PAK1: variants seen among roughly 807,000 people sequenced by gnomAD.
PAK1 encodes the protein serine/threonine-protein kinase PAK 1.
Under a neutral mutation model 67.4 loss-of-function variants are expected in PAK1, and 29 were observed. The observed-to-expected ratio is 0.43, with a 90% CI of 0.32 to 0.59. The LOEUF is 0.59. Among genes scored for constraint, PAK1 ranks in the 20% least tolerant of loss-of-function variants. The probability of loss-of-function intolerance (pLI) is 0.07; values close to 1 mark genes in which losing one functional copy is unlikely to be tolerated. For synonymous variants in PAK1, 223 were observed against 237.4 expected (o/e 0.94, Z 0.56); for missense variants, 337 against 670.7 (o/e 0.50, Z 5.50).
chr11:77,518,176 T>C, the PAK1 span, among the ~76,000 whole-genome samples: 1 of 152,344 alleles, frequency 6.6e-6, no homozygotes, highest in African/African-American at 2.4e-5. Context: ...TTCAAGGTAT[T>C]TTTCTTCTTG....
intron 2 of PAK1, among the ~76,000 whole-genome samples, chr11:77,386,673 T>C (rs542455675): frequency 6.6e-6 from 1 of 152,292 alleles, no homozygotes; most frequent in East Asian, 1.9e-4. Flanking sequence ...CAGATCATTC[T>C]TCTTTCTCAT....
intron 13 of PAK1, among the ~76,000 whole-genome samples, chr11:77,334,745 A>T (rs1232535632): frequency 6.6e-6 from 1 of 152,150 alleles, no homozygotes; most frequent in African/African-American, 2.4e-5. Context: ...CACAGACATC[A>T]TCTTTTAGAA....
chr11:77,362,891 G>A (rs1276436440), intron 5 of PAK1, among the ~76,000 whole-genome samples: 1 of 152,176 alleles, frequency 6.6e-6, no homozygotes, highest in East Asian at 1.9e-4. Flanking sequence ...AAATGGCGAA[G>A]AACTGTACTA....
At chr11:77,431,145 C>T (rs922641745) in intron 1 of PAK1, among the ~76,000 whole-genome samples, 4 of 152,154 alleles carry the variant, frequency 2.6e-5, no homozygotes, top group Admixed American at 6.5e-5. Flanking sequence ...TGTTGGGGAC[C>T]ACTGATTTAT....
chr11:77,377,179 G>A (rs1321324630), intron 4 of PAK1, among the ~76,000 whole-genome samples: 1 of 152,126 alleles, frequency 6.6e-6, no homozygotes, highest in Non-Finnish European at 1.5e-5. Flanking sequence ...GGAGGCTGAG[G>A]CAGGAGAATC....
intron 4 of PAK1, among the ~76,000 whole-genome samples, chr11:77,375,234 A>T (rs955032783): frequency 1.3e-5 from 2 of 152,234 alleles, no homozygotes; most frequent in African/African-American, 4.8e-5. Flanking sequence ...ATCATCAGCT[A>T]TATCACTGTC....
chr11:77,454,985 C>T (rs1957020922), intron 1 of PAK1, among the ~76,000 whole-genome samples: 1 of 152,062 alleles, frequency 6.6e-6, no homozygotes, highest in Non-Finnish European at 1.5e-5. Context: ...AGTCTCTCTC[C>T]CTTTCTCTCT....
chr11:77,516,545 T>C, the PAK1 span, among the ~76,000 whole-genome samples: 1 of 152,338 alleles, frequency 6.6e-6, no homozygotes, highest in South Asian at 2.1e-4. Flanking sequence ...TACTGTATTA[T>C]AACTGTCTCT....
intron 1 of PAK1, among the ~76,000 whole-genome samples, chr11:77,460,322 GC>G (rs374707456): frequency 0.012 from 1,400 of 114,210 alleles, 25 homozygotes; most frequent in African/African-American, 0.041. Flanking sequence ...TTTTTTGTTT[GC>G]TTTTTTTTTT....
intron 1 of PAK1, chr11:77,408,255 G>C (rs1313513202): frequency 1.3e-5 from 2 of 152,096 alleles, no homozygotes; most frequent in Non-Finnish European, 2.9e-5. Context: ...TTAGCATAGA[G>C]TAGATGGTTC....
Position 77,411,954 on chromosome 11 carries a change from CA to C in PAK1, c.-21-19414del, listed in dbSNP as rs2138053146. ...GAGGTGCAGCACGCTCGCGCTCTCG[CA>C]GGGCGGCAGCGAAGGCGCCGCGTCG... On this transcript the variant is annotated intron_variant, in intron 1 of 14. Transcript: ENST00000356341. 3 of 152,478 alleles carry C rather than the reference CA, an allele frequency of 2.0e-5. No homozygotes were observed. The South Asian group carries it at 6.2e-4, about 32-fold the overall frequency. The allele number at this position is 152,478 out of a possible 1,614,324, so 9.4% of individuals were successfully genotyped here.
chr11:77,466,581 C>T (rs1361868209), intron 1 of PAK1, among the ~76,000 whole-genome samples: 1 of 150,084 alleles, frequency 6.7e-6, no homozygotes, highest in African/African-American at 2.5e-5. Context: ...CCAGCCTGGG[C>T]GACAGAGCAA....
intron 2 of PAK1, among the ~76,000 whole-genome samples, chr11:77,385,528 G>T (rs1950334240): frequency 6.6e-6 from 1 of 152,170 alleles, no homozygotes; most frequent in Non-Finnish European, 1.5e-5. Flanking sequence ...ACTGACAGAA[G>T]ACTTATATCT....
chr11:77,491,769 A>G, the PAK1 span, among the ~76,000 whole-genome samples: 3 of 152,218 alleles, frequency 2.0e-5, no homozygotes, highest in African/African-American at 7.2e-5. Context: ...GGAAAGAAGG[A>G]AAGAGGAAAG....
chr11:77,392,275 C>T (rs1951237932), intron 2 of PAK1, 56 bp downstream of exon 2: 2 of 1,228,316 alleles, frequency 1.6e-6, no homozygotes, highest in South Asian at 1.6e-5. Context: ...ATCCAGGTTA[C>T]CCAAAATAAT....
At chr11:77,507,605 C>T in the PAK1 span, among the ~76,000 whole-genome samples, 1 of 152,092 alleles carries the variant, frequency 6.6e-6, no homozygotes, top group Non-Finnish European at 1.5e-5. Context: ...TCACTGCTAA[C>T]TCGACCTCCA....
chr11:77,502,388 C>A, the PAK1 span, among the ~76,000 whole-genome samples: 1 of 152,100 alleles, frequency 6.6e-6, no homozygotes, highest in East Asian at 1.9e-4. Context: ...TAAAACTAAA[C>A]GTTTATTGTT....
intron 14 of PAK1, among the ~76,000 whole-genome samples, chr11:77,330,883 T>A (rs1565575155): frequency 6.6e-6 from 1 of 151,554 alleles, no homozygotes; most frequent in Non-Finnish European, 1.5e-5. Context: ...TGCAACCTAC[T>A]CATCTGACAA....
chr11:77,474,188 TC>T (rs1405835899), upstream of PAK1: 1 of 137,230 alleles, frequency 7.3e-6, no homozygotes, highest in East Asian at 2.3e-4. Flanking sequence ...CTTCTCCCCC[TC>T]CCCCTCCCCC....
Sources: allele counts gnomAD v4.1 joint callset (sites outside exome capture counted in the v4.1 genomes callset), GRCh38; gene constraint gnomAD v4.1.1; transcripts MANE v1.5; gene names NCBI Gene and HGNC (gene_info 2026-07-23, HGNC 2026-07-21).